The following PFKFB4 variants were observed in gnomAD, a reference collection of about 807,000 sequenced individuals.
The protein encoded by PFKFB4 is 6-phosphofructo-2-kinase/fructose-2,6-bisphosphatase 4.
PFKFB4 carries 42 observed loss-of-function variants against 62.8 expected under a neutral mutation model. That is an observed-to-expected ratio of 0.67 (90% CI 0.52 to 0.86). The LOEUF (loss-of-function observed/expected upper bound fraction) is 0.86. Among genes scored for constraint, PFKFB4 ranks in the 40% least tolerant of loss-of-function variants. PFKFB4 has a pLI of 0.00. For missense variants in PFKFB4, 475 were observed against 627.2 expected, an observed-to-expected ratio of 0.76 and a Z score of 2.59; for synonymous variants, 204 against 240.7, an observed-to-expected ratio of 0.85 and a Z score of 1.41.
intron 10 of PFKFB4, among the ~76,000 whole-genome samples, chr3:48,524,651 C>T (rs1363362373): frequency 5.9e-5 from 9 of 152,180 alleles, no homozygotes; most frequent in African/African-American, 1.9e-4. Context: ...CTTGGCCTAA[C>T]ATAATGTGGG....
upstream of PFKFB4, chr3:48,556,924 G>A: frequency 7.1e-7 from 1 of 1,409,386 alleles, no homozygotes; most frequent in Non-Finnish European, 9.2e-7. The surrounding 1 kb of genome is among the most constrained non-coding windows in gnomAD (Gnocchi z 5.7). Context: ...GCCCCAGAGT[G>A]AGTAGGCTCC....
intron 4 of PFKFB4, among the ~76,000 whole-genome samples, chr3:48,540,165 C>T (rs527817141): frequency 3.3e-5 from 5 of 152,318 alleles, no homozygotes; most frequent in Admixed American, 2.0e-4. Flanking sequence ...CTACTCCATC[C>T]TGACACCCCA....
chr3:48,536,105 G>A, intron 8 of PFKFB4, 151 bp downstream of exon 8: 2 of 665,392 alleles, frequency 3.0e-6, no homozygotes, highest in Non-Finnish European at 5.1e-6. Context: ...CCTACATGAT[G>A]GGAAGATTCT....
chr3:48,542,508 C>T (rs536640080), intron 4 of PFKFB4, among the ~76,000 whole-genome samples: 1 of 151,998 alleles, frequency 6.6e-6, no homozygotes, highest in East Asian at 1.9e-4. Context: ...AGAAATAATA[C>T]ATGACAATTT....
intron 9 of PFKFB4, among the ~76,000 whole-genome samples, chr3:48,530,718 T>C (rs1339786686): frequency 6.6e-6 from 1 of 152,198 alleles, no homozygotes; most frequent in Non-Finnish European, 1.5e-5. Context: ...TTCTTTTCTT[T>C]TGTTTTTGAG....
chr3:48,540,276 C>T (rs944830796), intron 4 of PFKFB4, among the ~76,000 whole-genome samples: 3 of 152,206 alleles, frequency 2.0e-5, no homozygotes, highest in South Asian at 2.1e-4. Context: ...GAGAGATCCA[C>T]GGTGACGGAC....
intron 3 of PFKFB4, chr3:48,547,861 C>T (rs1254748088): frequency 1.3e-5 from 2 of 152,258 alleles, no homozygotes; most frequent in African/African-American, 4.8e-5. Context: ...CTGGGAAATG[C>T]AGCTGTCTCT....
chr3:48,519,918 G>T, intron 13 of PFKFB4, 112 bp from the exon 14 acceptor site: 1 of 805,534 alleles, frequency 1.2e-6, no homozygotes, highest in Non-Finnish European at 2.1e-6. Context: ...CACTGTAGCA[G>T]CCACAGCCGC....
intron 1 of PFKFB4, among the ~76,000 whole-genome samples, chr3:48,553,365 T>C (rs1458586400): frequency 6.6e-6 from 1 of 151,924 alleles, no homozygotes; most frequent in African/African-American, 2.4e-5. Flanking sequence ...TCCCAGCTAC[T>C]CGGGAAGCTG....
chr3:48,542,198 G>C (rs1050559678), intron 4 of PFKFB4, among the ~76,000 whole-genome samples: 5 of 152,024 alleles, frequency 3.3e-5, no homozygotes, highest in African/African-American at 1.2e-4. Flanking sequence ...GCCGGGCACA[G>C]TGGCGGGGGC....
At position 48,525,582 on chromosome 3, in the gene PFKFB4, G is replaced by A. The variant is rs748067084; in HGVS notation, c.1075C>T (p.Arg359Trp). The part of the protein sequence containing the change: ...ALRDQDKYRY[R>W]YPKGESYEDL... ...CCACCTACCTCCCCTTTAGGGTACC[G>A]GTACCGGTACTTGTCCTGGTCCCGC... Residue 359 changes from arginine (R) to tryptophan (W), a missense_variant, in exon 10 of 14, where the codon CGG becomes TGG. Arg to Trp is a moderately radical substitution (Grantham distance 101, BLOSUM62 -3). Transcript: ENST00000232375. 2 of 1,592,112 alleles carry A rather than the reference G, an allele frequency of 1.3e-6. No homozygotes were observed. The highest frequency in any genetic ancestry group is 8.6e-7 in the Non-Finnish European group (1 of 1,165,828).
intron 1 of PFKFB4, among the ~76,000 whole-genome samples, chr3:48,551,461 A>G (rs955807220): frequency 7.7e-6 from 1 of 130,122 alleles, no homozygotes; most frequent in Non-Finnish European, 1.6e-5. Context: ...AGGTGATCCG[A>G]CTGCCTGGGC....
intron 1 of PFKFB4, among the ~76,000 whole-genome samples, chr3:48,550,813 A>T (rs1393196421): frequency 6.6e-6 from 1 of 152,014 alleles, no homozygotes; most frequent in Non-Finnish European, 1.5e-5. Context: ...CCTCACCCTC[A>T]ATCCTGGTCA....
chr3:48,551,214 CTTTTTT>C (rs773561800), intron 1 of PFKFB4, among the ~76,000 whole-genome samples: 1 of 135,088 alleles, frequency 7.4e-6, no homozygotes, highest in Non-Finnish European at 1.6e-5. Context: ...GCTCACTTTT[CTTTTTT>C]TTTTTTTTTT....
Position 48,518,272 on chromosome 3 carries a change from C to CGGCCAG in PFKFB4, c.*1469_*1474dup, listed in dbSNP as rs2041978916. On this transcript the variant is annotated 3_prime_UTR_variant, in exon 14 of 14. Coordinates refer to ENST00000232375, the MANE Select transcript of PFKFB4 (RefSeq NM_004567.4). Reference sequence around the variant, plus strand: ...GCAGCACACAAGGATGAGAGACCACCGGCCAGGGCCAGGGACGCTAACTTC... The same window carrying CGGCCAG: ...GCAGCACACAAGGATGAGAGACCACCGGCCAGGGCCAGGGCCAGGGACGCTAACTTC... 6.6e-6 allele frequency: 1 copy of CGGCCAG among 152,504 alleles called. No individual in the cohort carries two copies. Among genetic ancestry groups the CGGCCAG allele is most frequent in the Non-Finnish European group, 1.5e-5 (1 of 68,260 alleles). The allele number at this position is 152,504 out of a possible 1,614,324, so 9.4% of individuals were successfully genotyped here.
Position 48,539,745 on chromosome 3 carries a change from T to G in PFKFB4, c.405A>C (p.Arg135=). ...VAVFDATNTT[R]ERRATIFNFG... ...AATTAAAGATGGTCGCTCTCCGTTC[T>G]CGGGTGGTGTTTGTGGCATCAAAAA... Residue 135 remains arginine (R), a synonymous_variant, in exon 5 of 14, where the codon CGA becomes CGC. Coordinates refer to ENST00000232375, the MANE Select transcript of PFKFB4 (RefSeq NM_004567.4). 6.2e-7 allele frequency: 1 copy of G among 1,614,160 alleles called. No individual in the cohort carries two copies. Among genetic ancestry groups the G allele is most frequent in the Non-Finnish European group, 8.5e-7 (1 of 1,179,998 alleles).
rs144489224 is a variant in PFKFB4, at chr3:48,535,511, C to T, written c.987+1G>A. ...GACAGGGAGGGAGGGACGGTAACTA[C>T]CGCATCGATCTCGTTGAGGACCTTC... is the stretch of plus-strand genomic sequence containing the variant. On this transcript the variant is annotated splice_donor_variant, in intron 9 of 13. Coordinates refer to ENST00000232375, the MANE Select transcript of PFKFB4 (RefSeq NM_004567.4). LOFTEE classifies it high-confidence loss of function. The T allele has an allele frequency of 2.5e-6, 4 of 1,612,848 alleles. No homozygotes were observed. Among genetic ancestry groups the T allele is most frequent in the Non-Finnish European group, 3.4e-6 (4 of 1,179,028 alleles).
At chr3:48,559,790 C>T (rs1408282039), upstream of PFKFB4, 1 of 351,930 alleles carries the variant, frequency 2.8e-6, no homozygotes, top group Non-Finnish European at 5.7e-6. Context: ...TGGACTTCCT[C>T]CCAGTGTCCC....
At chr3:48,528,140 A>C (rs747787215) in intron 9 of PFKFB4, among the ~76,000 whole-genome samples, 4 of 152,160 alleles carry the variant, frequency 2.6e-5, no homozygotes, top group African/African-American at 9.7e-5. Flanking sequence ...ATAAAGTGGC[A>C]GAGAATGTGG....
Sources: gnomAD v4.1 joint callset for allele counts (sites outside exome capture counted in the v4.1 genomes callset) on GRCh38, gnomAD v4.1.1 for gene constraint, Gnocchi (gnomAD v3.1) non-coding constraint, MANE v1.5 for transcripts, NCBI Gene and HGNC (gene_info 2026-07-23, HGNC 2026-07-21) for gene names.